MIB1: variants seen among roughly 807,000 people sequenced by gnomAD.
MIB1 encodes the protein MIB E3 ubiquitin protein ligase 1.
Under a neutral mutation model 124.5 loss-of-function variants are expected in MIB1, and 278 were observed. That is an observed-to-expected ratio of 2.23 (90% confidence interval 2.02 to 2.47). The LOEUF (loss-of-function observed/expected upper bound fraction) is 2.47. Among genes scored for constraint, MIB1 ranks in the 30% most tolerant of loss-of-function variants. MIB1 has a pLI of 0.00. For synonymous variants in MIB1, 446 were observed against 429.4 expected (o/e 1.04, Z -0.48); for missense variants, 957 against 1,254.4 (o/e 0.76, Z 3.58).
At chr18:21,716,805 T>G (rs1238944396) in intron 1 of MIB1, among the ~76,000 whole-genome samples, 1 of 151,898 alleles carries the variant, frequency 6.6e-6, no homozygotes, top group Non-Finnish European at 1.5e-5. Context: ...TGAGCCAAGA[T>G]GGCGCCACTG....
chr18:21,817,913 A>G (rs947715269), intron 11 of MIB1: 19 of 191,368 alleles, frequency 9.9e-5, no homozygotes, highest in Non-Finnish European at 1.5e-4. Flanking sequence ...CAGGTTGTAT[A>G]TGACTTTACT....
At chr18:21,736,427 T>G (rs919027500), upstream of MIB1, among the ~76,000 whole-genome samples, 1 of 152,152 alleles carries the variant, frequency 6.6e-6, no homozygotes, top group Non-Finnish European at 1.5e-5. Flanking sequence ...ACAAAAAGGC[T>G]GAAAATTCCA....
chr18:21,791,002 G>A (rs1208889434), intron 6 of MIB1, among the ~76,000 whole-genome samples: 2 of 151,756 alleles, frequency 1.3e-5, no homozygotes, highest in African/African-American at 2.4e-5. Context: ...TCAGGAGTTC[G>A]AGACCAGCCA....
intron 7 of MIB1, among the ~76,000 whole-genome samples, chr18:21,797,519 G>C (rs1696727736): frequency 6.6e-6 from 1 of 151,986 alleles, no homozygotes; most frequent in African/African-American, 2.4e-5. Flanking sequence ...AAAGTGGGTT[G>C]AATTTTCAAC....
Position 21,761,730 on chromosome 18 carries a change from T to TCTGTCTGTCA in MIB1, c.230-4035_230-4026dup, listed in dbSNP as rs1422539634. On this transcript the variant is annotated intron_variant, in intron 1 of 20. Coordinates refer to ENST00000261537, the MANE Select transcript of MIB1 (RefSeq NM_020774.4). ...GATGTCGCTTGTCTGTCCATGTCTG[T>TCTGTCTGTCA]CTGTCTGTCACTGTCTTTCCCCTCA... is the stretch of plus-strand genomic sequence containing the variant. 3.3e-5 allele frequency among the ~76,000 whole-genome samples: 5 copies of TCTGTCTGTCA among 152,366 alleles called. No individual in the cohort carries two copies. The South Asian group carries it at 1.0e-3, about 32-fold the overall frequency.
intron 10 of MIB1, among the ~76,000 whole-genome samples, chr18:21,806,913 G>T (rs1325868160): frequency 6.6e-6 from 1 of 152,154 alleles, no homozygotes; most frequent in Non-Finnish European, 1.5e-5. Flanking sequence ...GAGCCACCGT[G>T]CCCAGCCAAA....
chr18:21,790,296 G>A (rs1194319990), intron 6 of MIB1, among the ~76,000 whole-genome samples: 2 of 152,086 alleles, frequency 1.3e-5, no homozygotes, highest in African/African-American at 4.8e-5. Flanking sequence ...AGATGTATAC[G>A]CAGGAATGGT....
chr18:21,858,628 A>G lies in MIB1; in HGVS notation c.2862A>G (p.Leu954=), dbSNP rs1303570764. The G allele has an allele frequency of 8.2e-6, 13 of 1,579,050 alleles. No individual in the cohort carries two copies. The highest frequency in any genetic ancestry group is 1.7e-5 in the Admixed American group (1 of 59,896). ...ATGTGCAAAAGTTGCAGCAACAGTTACAAGACATTAAAGAGCAGGTAATAA... is the reference window on the plus strand; with the variant it reads ...ATGTGCAAAAGTTGCAGCAACAGTTGCAAGACATTAAAGAGCAGGTAATAA... The part of the protein sequence containing the change: ...NADVQKLQQQ[L]QDIKEQTMCP... Residue 954 remains leucine, a synonymous_variant, in exon 20 of 21, where the codon TTA becomes TTG. Transcript: ENST00000261537.
chr18:21,740,384 A>G (rs966452036), upstream of MIB1, among the ~76,000 whole-genome samples: 1 of 152,268 alleles, frequency 6.6e-6, no homozygotes, highest in Non-Finnish European at 1.5e-5. Context: ...TGTTCAGCTT[A>G]AAAACACACT....
chr18:21,738,796 G>A (rs545136173), upstream of MIB1, among the ~76,000 whole-genome samples: 1 of 70,076 alleles, frequency 1.4e-5, no homozygotes, highest in East Asian at 4.6e-4. Flanking sequence ...CACAAAGTGA[G>A]ACTCCATCTC....
At chr18:21,778,222 A>G (rs562558157) in intron 5 of MIB1, 53 bp downstream of exon 5, 12 of 1,226,912 alleles carry the variant, frequency 9.8e-6, no homozygotes, top group Non-Finnish European at 1.3e-5. Context: ...AGTTCGTGGA[A>G]TCAGTAAAAT....
intron 9 of MIB1, among the ~76,000 whole-genome samples, chr18:21,803,049 G>T (rs947184655): frequency 6.6e-6 from 1 of 152,146 alleles, no homozygotes; most frequent in Non-Finnish European, 1.5e-5. Context: ...GGGATTCCCT[G>T]TGCTCTTTAC....
At chr18:21,754,529 C>G (rs1489848227) in intron 1 of MIB1, among the ~76,000 whole-genome samples, 1 of 152,060 alleles carries the variant, frequency 6.6e-6, no homozygotes. Context: ...TTCACATAAC[C>G]CTTACTTGAC....
intron 12 of MIB1, chr18:21,827,924 A>G (rs189379052): frequency 6.6e-6 from 1 of 152,150 alleles, no homozygotes; most frequent in Admixed American, 6.5e-5. Context: ...TTGAAATAAT[A>G]CTTTTAGTAA....
rs1371497005 is a variant in MIB1, at chr18:21,741,929, C to G, written c.229+117C>G. 3 of 899,694 alleles carry G rather than the reference C, an allele frequency of 3.3e-6. No individual in the cohort carries two copies. The highest frequency in any genetic ancestry group is 6.3e-5 in the Admixed American group (2 of 31,992). 55.7% of individuals were successfully genotyped at this position (899,694 alleles called of 1,614,324 possible). ...GGGACACCTGGTGGGCAGCGCCCGG[C>G]TGGAGCGAGCGGAAAGGCAAAGCGC... On this transcript the variant is annotated intron_variant, in intron 1 of 20. Transcript: ENST00000261537. This position sits in a 1 kb window ranked among gnomAD's most constrained non-coding sequence, Gnocchi z 5.4.
chr18:21,779,720 ATAAAAC>A, intron 6 of MIB1, 35 bp downstream of exon 6: 2 of 1,507,684 alleles, frequency 1.3e-6, no homozygotes, highest in Non-Finnish European at 1.8e-6. Context: ...ACAATGACAA[ATAAAAC>A]TAATATAGAG....
In MIB1 at chr18:21,773,719, T is replaced by C; in HGVS notation, c.627T>C (p.Phe209=). The part of the protein sequence containing the change: ...NGAKNLYRVG[F]EGMSDLKCVQ... ...CTAAGAACCTTTACAGAGTTGGCTT[T>C]GAGGGCATGGTAAGTAGTGAAGAGC... Residue 209 remains phenylalanine, a synonymous_variant, in exon 4 of 21, where the codon TTT becomes TTC. Transcript: ENST00000261537. 6.3e-7 allele frequency: 1 copy of C among 1,596,766 alleles called. No homozygotes were observed. The highest frequency in any genetic ancestry group is 8.5e-7 in the Non-Finnish European group (1 of 1,172,936).
chr18:21,849,753 T>C (rs558430053), intron 17 of MIB1, among the ~76,000 whole-genome samples: 1 of 152,266 alleles, frequency 6.6e-6, no homozygotes, highest in Non-Finnish European at 1.5e-5. Context: ...AAGGATACAT[T>C]TACTTCCACT....
At chr18:21,706,611 A>G (rs1293747448) in intron 1 of MIB1, among the ~76,000 whole-genome samples, 2 of 151,736 alleles carry the variant, frequency 1.3e-5, no homozygotes, top group Non-Finnish European at 2.9e-5. Flanking sequence ...CTGCACTCTG[A>G]GCGCCGGCTG....
Sources: gnomAD v4.1 joint callset for allele counts (sites outside exome capture counted in the v4.1 genomes callset) on GRCh38, gnomAD v4.1.1 for gene constraint, Gnocchi (gnomAD v3.1) non-coding constraint, MANE v1.5 for transcripts, NCBI Gene and HGNC (gene_info 2026-07-23, HGNC 2026-07-21) for gene names.